Variants in PAPPA2 observed in about 807,000 individuals in gnomAD.
The protein encoded by PAPPA2 is pappalysin-2.
A neutral mutation model predicts 176.4 loss-of-function variants in PAPPA2; 86 were observed. That is an observed-to-expected ratio of 0.49 (90% confidence interval 0.41 to 0.58). PAPPA2 has a LOEUF of 0.58. Among genes scored for constraint, PAPPA2 ranks in the 20% least tolerant of loss-of-function variants. The probability of loss-of-function intolerance (pLI) is 0.00; values close to 1 mark genes in which losing one functional copy is unlikely to be tolerated. For missense variants in PAPPA2, 2,073 were observed against 2,256.9 expected (o/e 0.92, Z 1.65); for synonymous variants, 809 against 852.2 (o/e 0.95, Z 0.88).
chr1:176,621,165 A>G (rs1309104007), intron 3 of PAPPA2, among the ~76,000 whole-genome samples: 1 of 152,212 alleles, frequency 6.6e-6, no homozygotes, highest in African/African-American at 2.4e-5. Flanking sequence ...TGAATATGTT[A>G]ATAACTTAAT....
At chr1:176,492,629 G>A (rs1034040074) in intron 1 of PAPPA2, among the ~76,000 whole-genome samples, 1 of 152,126 alleles carries the variant, frequency 6.6e-6, no homozygotes, top group African/African-American at 2.4e-5. Context: ...AGTGTGGTGG[G>A]GGTAGTGGTG....
chr1:176,754,873 G>A (rs1249754413), intron 14 of PAPPA2, among the ~76,000 whole-genome samples: 2 of 152,198 alleles, frequency 1.3e-5, no homozygotes, highest in African/African-American at 2.4e-5. Context: ...CTCAGGCCGT[G>A]TCTGGTTTTG....
chr1:176,651,690 AG>A (rs769739199), intron 3 of PAPPA2, among the ~76,000 whole-genome samples: 7 of 151,770 alleles, frequency 4.6e-5, no homozygotes, highest in Admixed American at 6.6e-5. Flanking sequence ...AGTTTTCTTT[AG>A]AAAGTTTTCT....
intron 14 of PAPPA2, among the ~76,000 whole-genome samples, chr1:176,754,763 A>C (rs1273518032): frequency 6.6e-6 from 1 of 152,236 alleles, no homozygotes; most frequent in Non-Finnish European, 1.5e-5. Context: ...AGAAAATAAA[A>C]GGAAACCAGT....
At chr1:176,633,084 A>G (rs901135546) in intron 3 of PAPPA2, among the ~76,000 whole-genome samples, 2 of 152,186 alleles carry the variant, frequency 1.3e-5, no homozygotes, top group Admixed American at 6.5e-5. Context: ...TATCATTTCT[A>G]TTTTTATAGA....
chr1:176,511,343 A>G (rs1648588097), intron 1 of PAPPA2, among the ~76,000 whole-genome samples: 1 of 152,208 alleles, frequency 6.6e-6, no homozygotes, highest in African/African-American at 2.4e-5. Context: ...AACTCTCAAC[A>G]AATTAGGAAT....
intron 4 of PAPPA2, among the ~76,000 whole-genome samples, chr1:176,674,305 T>G (rs954195589): frequency 2.0e-5 from 3 of 152,078 alleles, no homozygotes; most frequent in African/African-American, 7.2e-5. Flanking sequence ...AGGTGGTGTT[T>G]GGTTACATGG....
At chr1:176,586,882 A>T (rs1314372021) in intron 2 of PAPPA2, among the ~76,000 whole-genome samples, 1 of 152,188 alleles carries the variant, frequency 6.6e-6, no homozygotes, top group Non-Finnish European at 1.5e-5. Context: ...TCTTCCACAC[A>T]GGATGAATTA....
intron 14 of PAPPA2, among the ~76,000 whole-genome samples, chr1:176,743,934 A>G (rs1662794479): frequency 6.6e-6 from 1 of 152,198 alleles, no homozygotes; most frequent in African/African-American, 2.4e-5. Context: ...CTCCTTTTCC[A>G]GGACATGGAT....
At chr1:176,812,478 G>A (rs187467547) in intron 21 of PAPPA2, among the ~76,000 whole-genome samples, 2 of 152,194 alleles carry the variant, frequency 1.3e-5, no homozygotes, top group Admixed American at 1.3e-4. Flanking sequence ...TTCTAATTGT[G>A]CTTCAAAACT....
chr1:176,696,826 G>A (rs1032535665), intron 7 of PAPPA2, among the ~76,000 whole-genome samples: 1 of 152,152 alleles, frequency 6.6e-6, no homozygotes, highest in African/African-American at 2.4e-5. Context: ...GGAGAATATT[G>A]GTCTGAGAGT....
At chr1:176,766,315 CT>C (rs1434197808) in intron 15 of PAPPA2, among the ~76,000 whole-genome samples, 1 of 152,184 alleles carries the variant, frequency 6.6e-6, no homozygotes, top group Non-Finnish European at 1.5e-5. Flanking sequence ...ATGATTCTCA[CT>C]CTGGCCAAAT....
Position 176,690,316 on chromosome 1 carries a change from G to C in PAPPA2, c.2317G>C (p.Asp773His). The C allele has an allele frequency of 6.2e-7, 1 of 1,614,068 alleles. No homozygotes were observed. The highest frequency in any genetic ancestry group is 8.5e-7 in the Non-Finnish European group (1 of 1,179,986). The change falls in exon 5 of 23, where the codon GAC (aspartate) becomes CAC (histidine). Residue 773 changes from aspartate (D) to histidine (H), a missense_variant. This residue lies in a region of PAPPA2 where 1,196 missense variants were observed against 1,330.4 expected (regional missense o/e 0.90). Transcript: ENST00000367662. Reference sequence around the variant, plus strand: ...CATGGAAACGGGAGACCTCTGTGCCGACACCGCCCCCACTCCCAAGAGTGA... The same window carrying C: ...CATGGAAACGGGAGACCTCTGTGCCCACACCGCCCCCACTCCCAAGAGTGA... ...PSMETGDLCA[D>H]TAPTPKSELC...
intron 2 of PAPPA2, among the ~76,000 whole-genome samples, chr1:176,592,164 A>G (rs1653707799): frequency 6.6e-6 from 1 of 152,202 alleles, no homozygotes; most frequent in African/African-American, 2.4e-5. Flanking sequence ...TGCTTCAGCA[A>G]CTATGTACTC....
chr1:176,829,677 T>C (rs1667011455), intron 21 of PAPPA2, among the ~76,000 whole-genome samples: 2 of 152,242 alleles, frequency 1.3e-5, no homozygotes, highest in Admixed American at 1.3e-4. Flanking sequence ...CTGCATGTAA[T>C]CTGTCTCTGA....
At chr1:176,718,644 G>T (rs1468671585) in intron 12 of PAPPA2, among the ~76,000 whole-genome samples, 1 of 149,844 alleles carries the variant, frequency 6.7e-6, no homozygotes, top group African/African-American at 2.4e-5. Context: ...TTTTACTCCT[G>T]AGTTATTTAT....
chr1:176,511,028 A>G (rs576663723), intron 1 of PAPPA2, among the ~76,000 whole-genome samples: 7 of 152,268 alleles, frequency 4.6e-5, no homozygotes, highest in African/African-American at 1.4e-4. Flanking sequence ...AATAATCATA[A>G]TAAGTGTATA....
chr1:176,498,856 ATCGTTGAAACC>A lies in PAPPA2; in HGVS notation c.-917+35441_-917+35451del, dbSNP rs558927101. On this transcript the variant is annotated intron_variant, in intron 1 of 22. Coordinates refer to ENST00000367662, the MANE Select transcript of PAPPA2 (RefSeq NM_020318.3). ...GGCACAAGGAAAAATACCAGGTAGC[ATCGTTGAAACC>A]TCTGGAGCCACTCACACCTAAGGCT... is the stretch of plus-strand genomic sequence containing the variant. 2.0e-3 allele frequency among the ~76,000 whole-genome samples: 301 copies of A among 152,182 alleles called. 1 individual carries two copies. The highest frequency in any genetic ancestry group is 6.5e-3 in the African/African-American group (268 of 41,514).
chr1:176,695,655 C>T (rs2102813347), intron 6 of PAPPA2, 83 bp from the exon 7 acceptor site: 1 of 1,502,432 alleles, frequency 6.7e-7, no homozygotes, highest in Non-Finnish European at 9.2e-7. Flanking sequence ...GCCCTCCCCA[C>T]ACAAAGGTCT....
Sources: gnomAD v4.1 joint callset for allele counts (sites outside exome capture counted in the v4.1 genomes callset) on GRCh38, gnomAD v4.1.1 for gene constraint, gnomAD v4.1.1 regional missense constraint, MANE v1.5 for transcripts, NCBI Gene and HGNC (gene_info 2026-07-23, HGNC 2026-07-21) for gene names.